The following ENOSF1 variants were observed in gnomAD, a reference collection of about 807,000 sequenced individuals.
The protein encoded by ENOSF1 is mitochondrial enolase superfamily member 1.
A neutral mutation model predicts 68.2 loss-of-function variants in ENOSF1; 73 were observed. That is an observed-to-expected ratio of 1.07 (90% CI 0.89 to 1.30). The LOEUF is 1.30. ENOSF1 is among the 50% of genes most tolerant of loss of function. The pLI is 0.00. For synonymous variants in ENOSF1, 223 were observed against 210.4 expected, an observed-to-expected ratio of 1.06 and a Z score of -0.52; for missense variants, 589 against 554.5, an observed-to-expected ratio of 1.06 and a Z score of -0.62.
At chr18:669,242 C>A, downstream of ENOSF1, 1 of 1,381,086 alleles carries the variant, frequency 7.2e-7, no homozygotes, top group Non-Finnish European at 1.0e-6. Flanking sequence ...TGGTTTTGTG[C>A]AGAGGCACCT....
downstream of ENOSF1, among the ~76,000 whole-genome samples, chr18:666,888 G>GGGAGATGGTGAT (rs138881427): frequency 6.6e-5 from 6 of 91,022 alleles, 2 homozygotes; most frequent in East Asian, 4.6e-4. Flanking sequence ...GAAAAAGTTC[G>GGGAGATGGTGAT]GGAGATGGTG....
At chr18:674,789 G>A (rs1381024665) in intron 15 of ENOSF1, among the ~76,000 whole-genome samples, 1 of 152,150 alleles carries the variant, frequency 6.6e-6, no homozygotes, top group Non-Finnish European at 1.5e-5. Context: ...CAAAGTGTTG[G>A]GATTACAGGC....
At chr18:677,497 G>A in intron 13 of ENOSF1, 53 bp from the exon 14 acceptor site, 1 of 1,498,058 alleles carries the variant, frequency 6.7e-7, no homozygotes, top group East Asian at 2.3e-5. Flanking sequence ...GGAGAGGAAG[G>A]GGTGAAAGGG....
chr18:671,537 G>A lies in ENOSF1; in HGVS notation c.*2768C>T. 2 of 887,774 alleles carry A rather than the reference G, an allele frequency of 2.3e-6. No homozygotes were observed. Among genetic ancestry groups the A allele is most frequent in the South Asian group, 2.8e-5 (2 of 72,072 alleles). 55.0% of individuals were successfully genotyped at this position (887,774 alleles called of 1,614,324 possible). ...GGAACAGGCATCTGCTCAATGCTGT[G>A]TCCAAGATAAAGATGACTGCTCCAA... On this transcript the variant is annotated 3_prime_UTR_variant, in exon 16 of 16. Coordinates refer to ENST00000647584, the MANE Select transcript of ENOSF1 (RefSeq NM_017512.7).
chr18:676,459 C>T (rs2075528890), intron 14 of ENOSF1, among the ~76,000 whole-genome samples: 1 of 152,172 alleles, frequency 6.6e-6, no homozygotes. Flanking sequence ...CTTCCCCCCT[C>T]ACTCTCTCTT....
intron 14 of ENOSF1, among the ~76,000 whole-genome samples, chr18:676,224 T>G (rs2144553062): frequency 6.6e-6 from 1 of 152,294 alleles, no homozygotes. Flanking sequence ...CCATCGCCTG[T>G]TATTGAACAG....
chr18:679,718 C>T (rs930080252), intron 11 of ENOSF1, among the ~76,000 whole-genome samples: 3 of 152,146 alleles, frequency 2.0e-5, no homozygotes, highest in Non-Finnish European at 4.4e-5. Flanking sequence ...TGTCCTCTCA[C>T]CTGGCCCCTG....
Position 677,361 on chromosome 18 carries a change from C to T in ENOSF1, c.1132G>A (p.Ala378Thr). ...LIIFDYISVS[A>T]SLENRVCEYV... ...ATTACTGACCTATTTTCAAGGCTTG[C>T]AGAAACTGATATGTAGTCAAATATA... Residue 378 changes from alanine to threonine, a missense_variant, in exon 14 of 16, where the codon GCA becomes ACA. Coordinates refer to ENST00000647584, the MANE Select transcript of ENOSF1 (RefSeq NM_017512.7). 1 of 1,613,676 alleles carries T rather than the reference C, an allele frequency of 6.2e-7. No individual in the cohort carries two copies. Among genetic ancestry groups the T allele is most frequent in the Non-Finnish European group, 8.5e-7 (1 of 1,179,864 alleles).
At chr18:676,382 G>A (rs923786241) in intron 14 of ENOSF1, among the ~76,000 whole-genome samples, 2 of 149,462 alleles carry the variant, frequency 1.3e-5, no homozygotes, top group Non-Finnish European at 3.0e-5. Context: ...TGAATGGTTT[G>A]GCACCCGTTC....
chr18:679,334 T>C (rs2612093), intron 11 of ENOSF1, among the ~76,000 whole-genome samples: 94,852 of 151,232 alleles, frequency 0.63, 30,478 homozygotes, highest in African/African-American at 0.79. Flanking sequence ...CTCAGCCTCC[T>C]GAGTAGCTGG....
At chr18:689,393 G>A (rs1299099176) in intron 8 of ENOSF1, among the ~76,000 whole-genome samples, 2 of 152,114 alleles carry the variant, frequency 1.3e-5, no homozygotes, top group East Asian at 3.9e-4. Flanking sequence ...TGATTCTCCT[G>A]CCTCAGCCTC....
intron 11 of ENOSF1, among the ~76,000 whole-genome samples, chr18:682,471 A>G (rs988823915): frequency 1.3e-5 from 2 of 152,180 alleles, no homozygotes; most frequent in Non-Finnish European, 1.5e-5. Flanking sequence ...ATGGGATTAT[A>G]TATACTGCGC....
In ENOSF1 at chr18:685,961, C is replaced by T. The variant is rs1443654028; in HGVS notation, c.701G>A (p.Cys234Tyr). 6 of 1,614,014 alleles carry T rather than the reference C, an allele frequency of 3.7e-6. No homozygotes were observed. In the African/African-American group the frequency reaches 8.0e-5, roughly 22 times the overall value. ...GADLQDDMRRCQIIRDMIGPE... is the reference protein window; with the variant it reads ...GADLQDDMRRYQIIRDMIGPE... Reference sequence around the variant, plus strand: ...TCCAATCATGTCTCGGATGATTTGGCATCTTCGCATGTCATCCTGGAGATC... The same window carrying T: ...TCCAATCATGTCTCGGATGATTTGGTATCTTCGCATGTCATCCTGGAGATC... Residue 234 changes from cysteine to tyrosine, a missense_variant, in exon 10 of 16, where the codon TGC becomes TAC. Cys to Tyr is a radical substitution (Grantham distance 194). Coordinates refer to ENST00000647584, the MANE Select transcript of ENOSF1 (RefSeq NM_017512.7).
downstream of ENOSF1, among the ~76,000 whole-genome samples, chr18:667,559 TGATGGTGATGGA>T (rs1382608061): frequency 3.8e-3 from 251 of 66,280 alleles, 26 homozygotes; most frequent in African/African-American, 8.3e-3. Context: ...ATGGAGATGG[TGATGGTGATGGA>T]GATGGTGATG....
intron 5 of ENOSF1, chr18:692,719 C>T: frequency 4.0e-6 from 4 of 990,326 alleles, no homozygotes; most frequent in Non-Finnish European, 4.8e-6. Flanking sequence ...TGGTGGCCTG[C>T]AAATCATTCC....
intron 15 of ENOSF1, 51 bp from the exon 16 acceptor site, chr18:674,457 A>G (rs781216790): frequency 8.4e-7 from 1 of 1,187,168 alleles, no homozygotes; most frequent in Non-Finnish European, 1.2e-6. Context: ...TGGAACAAAA[A>G]CAGATTTTAT....
At position 683,390 on chromosome 18, in the gene ENOSF1, G is replaced by T; in HGVS notation, c.742-10C>A. The T allele has an allele frequency of 6.2e-7, 1 of 1,614,018 alleles. No individual in the cohort carries two copies. Among genetic ancestry groups the T allele is most frequent in the African/African-American group, 1.3e-5 (1 of 75,042 alleles). ...GGTTGGCATCCATCATCTGCAAAAA[G>T]AGACTCTTCACAGGGAGGTCAGCCC... On this transcript the variant is annotated splice_polypyrimidine_tract_variant and intron_variant, in intron 10 of 15. Coordinates refer to ENST00000647584, the MANE Select transcript of ENOSF1 (RefSeq NM_017512.7).
chr18:704,674 C>T (rs1039955886), intron 2 of ENOSF1, among the ~76,000 whole-genome samples: 4 of 146,780 alleles, frequency 2.7e-5, no homozygotes, highest in Admixed American at 7.0e-5. Flanking sequence ...GGCGCAATCT[C>T]GGCTCACTGC....
intron 2 of ENOSF1, among the ~76,000 whole-genome samples, chr18:702,683 G>A (rs561962683): frequency 1.3e-5 from 2 of 152,104 alleles, no homozygotes; most frequent in African/African-American, 2.4e-5. Context: ...AAGGCTGTAT[G>A]AGCCGTGATT....
Sources: gnomAD v4.1 joint callset for allele counts (sites outside exome capture counted in the v4.1 genomes callset) on GRCh38, gnomAD v4.1.1 for gene constraint, MANE v1.5 for transcripts, NCBI Gene and HGNC (gene_info 2026-07-23, HGNC 2026-07-21) for gene names.